The following EED variants were observed in gnomAD, a reference collection of about 807,000 sequenced individuals.
The protein encoded by EED is embryonic ectoderm development.
In EED, 9 loss-of-function variants were observed where a neutral mutation model predicts 61.0. That is an observed-to-expected ratio of 0.15 (90% CI 0.09 to 0.26). The LOEUF (loss-of-function observed/expected upper bound fraction) is 0.26. Ranked by LOEUF, EED falls within the 10% of genes least tolerant of loss-of-function variation. EED has a pLI of 1.00. For synonymous variants in EED, 187 were observed against 174.4 expected (o/e 1.07, Z -0.57); for missense variants, 315 against 542.3 (o/e 0.58, Z 4.16).
chr11:86,286,966 C>A, the EED span, among the ~76,000 whole-genome samples: 4 of 101,654 alleles, frequency 3.9e-5, no homozygotes, highest in African/African-American at 1.6e-4. Flanking sequence ...AGCGAGACTC[C>A]GTCTCAAAAA....
chr11:86,261,080 C>G (rs979063650), intron 6 of EED, among the ~76,000 whole-genome samples: 55 of 152,170 alleles, frequency 3.6e-4, no homozygotes, highest in South Asian at 2.1e-4. Context: ...CATTCTGCCT[C>G]TAGCCCCCAA....
At chr11:86,283,449 G>A (rs546523744), downstream of EED, among the ~76,000 whole-genome samples, 1 of 151,906 alleles carries the variant, frequency 6.6e-6, no homozygotes, top group African/African-American at 2.4e-5. Flanking sequence ...TGCTTATTTG[G>A]TTTATTGTAT....
chr11:86,280,467 G>T (rs1375489470), downstream of EED, among the ~76,000 whole-genome samples: 1 of 152,008 alleles, frequency 6.6e-6, no homozygotes, highest in Non-Finnish European at 1.5e-5. Flanking sequence ...TTATCCAGAG[G>T]CCCCAGTCAC....
downstream of EED, among the ~76,000 whole-genome samples, chr11:86,279,006 C>A (rs1043746512): frequency 1.3e-5 from 2 of 152,114 alleles, no homozygotes; most frequent in African/African-American, 4.8e-5. Flanking sequence ...TTGTGAGGAT[C>A]AAATGATTCG....
chr11:86,260,119 G>A (rs942207216), intron 6 of EED, among the ~76,000 whole-genome samples: 4 of 152,148 alleles, frequency 2.6e-5, no homozygotes, highest in Admixed American at 6.5e-5. Context: ...ATTTTCACAT[G>A]TATTACTACC....
chr11:86,277,174 C>T (rs375837407), intron 10 of EED, 36 bp downstream of exon 10: 2 of 1,513,308 alleles, frequency 1.3e-6, no homozygotes, highest in South Asian at 2.6e-5. Flanking sequence ...AATGATCTGA[C>T]TTATGAAAGA....
At chr11:86,273,147 C>G (rs968199502) in intron 9 of EED, among the ~76,000 whole-genome samples, 1 of 152,180 alleles carries the variant, frequency 6.6e-6, no homozygotes, top group Non-Finnish European at 1.5e-5. Flanking sequence ...ATTCAGCCTC[C>G]CGAGTAGCTA....
At chr11:86,259,159 C>T (rs1037358506) in intron 6 of EED, among the ~76,000 whole-genome samples, 40 of 150,678 alleles carry the variant, frequency 2.7e-4, no homozygotes, top group African/African-American at 9.2e-4. Context: ...TGAGCCACTG[C>T]GCACAGCCCA....
intron 9 of EED, among the ~76,000 whole-genome samples, chr11:86,269,895 C>T (rs187973694): frequency 6.6e-6 from 1 of 152,074 alleles, no homozygotes; most frequent in Non-Finnish European, 1.5e-5. Flanking sequence ...ATGTAACTAT[C>T]TATGGTAGGA....
rs774811170 is a variant in EED at position 86,264,157 on chromosome 11, G to A, written c.635-15G>A. 1 of 1,589,796 alleles carries A rather than the reference G, an allele frequency of 6.3e-7. No individual in the cohort carries two copies. On this transcript the variant is annotated splice_polypyrimidine_tract_variant and intron_variant, in intron 6 of 11. Transcript: ENST00000263360. Reference sequence around the variant, plus strand: ...AATAAAAAACATTCGCCTAATTTTTGTATGTTTATACTAGATCATGCTTTA... The same window carrying A: ...AATAAAAAACATTCGCCTAATTTTTATATGTTTATACTAGATCATGCTTTA...
At chr11:86,270,214 C>T (rs1309759263) in intron 9 of EED, 4 of 625,670 alleles carry the variant, frequency 6.4e-6, no homozygotes, top group Non-Finnish European at 1.2e-5. Flanking sequence ...GATATCTCAT[C>T]GTGGTCTTAA....
intron 9 of EED, among the ~76,000 whole-genome samples, chr11:86,272,928 C>A (rs1946150352): frequency 6.6e-6 from 1 of 152,188 alleles, no homozygotes; most frequent in South Asian, 2.1e-4. Flanking sequence ...TGAGTTTTTT[C>A]CCCCCTAACT....
the EED span, among the ~76,000 whole-genome samples, chr11:86,286,991 A>AG: frequency 3.3e-5 from 5 of 150,162 alleles, no homozygotes; most frequent in East Asian, 1.9e-4. Context: ...AAAAAAAAAA[A>AG]AAAGAAATAG....
intron 6 of EED, among the ~76,000 whole-genome samples, chr11:86,257,928 C>T (rs1408518119): frequency 2.6e-5 from 4 of 152,152 alleles, no homozygotes; most frequent in African/African-American, 9.7e-5. Context: ...CTTTACGTCT[C>T]GGAGAACACA....
chr11:86,266,227 T>C lies in EED; in HGVS notation c.860+11T>C. ...AAATAAAACTAACAGGTAACAGTTG[T>C]GGTATTTGAAACAATTTGCTATGTT... is the stretch of plus-strand genomic sequence containing the variant. On this transcript the variant is annotated intron_variant, in intron 8 of 11. Transcript: ENST00000263360. 1.3e-6 allele frequency: 2 copies of C among 1,574,646 alleles called. No individual in the cohort carries two copies. The highest frequency in any genetic ancestry group is 2.3e-5 in the South Asian group (2 of 85,660).
At chr11:86,251,797 A>G (rs1945537626) in intron 2 of EED, among the ~76,000 whole-genome samples, 1 of 152,254 alleles carries the variant, frequency 6.6e-6, no homozygotes, top group African/African-American at 2.4e-5. Context: ...TCAGAAAAAT[A>G]AATTGTGTCC....
chr11:86,252,572 A>T (rs988905037), intron 3 of EED, among the ~76,000 whole-genome samples: 5 of 151,874 alleles, frequency 3.3e-5, no homozygotes, highest in Non-Finnish European at 5.9e-5. Context: ...TTATCATTCA[A>T]ATAGCGTAAG....
At chr11:86,254,582 G>A (rs1188978354) in intron 3 of EED, among the ~76,000 whole-genome samples, 6 of 150,906 alleles carry the variant, frequency 4.0e-5, no homozygotes, top group Admixed American at 2.0e-4. Context: ...GCCTCCCAAA[G>A]TGCTGGGATT....
At chr11:86,245,563 C>T in intron 1 of EED, among the ~76,000 whole-genome samples, 1 of 151,524 alleles carries the variant, frequency 6.6e-6, no homozygotes, top group East Asian at 2.0e-4. Flanking sequence ...CTAGTGATTG[C>T]GTGGGTCTGA....
Sources: gnomAD v4.1 joint callset for allele counts (sites outside exome capture counted in the v4.1 genomes callset) on GRCh38, gnomAD v4.1.1 for gene constraint, MANE v1.5 for transcripts, NCBI Gene and HGNC (gene_info 2026-07-23, HGNC 2026-07-21) for gene names.